SORCS1: variants seen among roughly 807,000 people sequenced by gnomAD.
The protein encoded by SORCS1 is sortilin related VPS10 domain containing receptor 1.
A neutral mutation model predicts 146.1 loss-of-function variants in SORCS1; 60 were observed. That is an observed-to-expected ratio of 0.41 (90% CI 0.33 to 0.51). The LOEUF is 0.51. Among genes scored for constraint, SORCS1 ranks in the 20% least tolerant of loss-of-function variants. The pLI is 0.21. For synonymous variants in SORCS1, 637 were observed against 584.0 expected (o/e 1.09, Z -1.31); for missense variants, 1,352 against 1,487.6 (o/e 0.91, Z 1.50).
At chr10:106,857,363 G>C (rs906443155) in intron 2 of SORCS1, among the ~76,000 whole-genome samples, 1 of 152,188 alleles carries the variant, frequency 6.6e-6, no homozygotes, top group African/African-American at 2.4e-5. Flanking sequence ...ACAAAGCAAA[G>C]ACTCAGGCTA....
intron 1 of SORCS1, among the ~76,000 whole-genome samples, chr10:107,074,873 A>C (rs1227423143): frequency 6.6e-6 from 1 of 151,974 alleles, no homozygotes; most frequent in Non-Finnish European, 1.5e-5. Flanking sequence ...TTAAGTTCTT[A>C]TTGTTGAGTT....
intron 1 of SORCS1, among the ~76,000 whole-genome samples, chr10:107,051,373 CA>C (rs1236976501): frequency 2.0e-5 from 3 of 152,086 alleles, no homozygotes; most frequent in Admixed American, 2.0e-4. Flanking sequence ...GCCATTTTGT[CA>C]AGTCCATAGT....
At chr10:106,894,237 A>ATGTG (rs142672801) in intron 2 of SORCS1, among the ~76,000 whole-genome samples, 19 of 140,936 alleles carry the variant, frequency 1.3e-4, no homozygotes, top group South Asian at 4.8e-4. Flanking sequence ...GCATGTGTGC[A>ATGTG]TGTGTGTGTG....
At chr10:106,894,261 G>A (rs898233497) in intron 2 of SORCS1, among the ~76,000 whole-genome samples, 14 of 138,390 alleles carry the variant, frequency 1.0e-4, no homozygotes, top group East Asian at 2.2e-4. Context: ...GTGCGCGCGC[G>A]CACGTGTGCG....
chr10:106,727,431 A>G (rs953909660), intron 6 of SORCS1, among the ~76,000 whole-genome samples: 2 of 152,164 alleles, frequency 1.3e-5, no homozygotes, highest in African/African-American at 4.8e-5. Context: ...ACAGTGCACT[A>G]CAGTCTTGAA....
rs561035938 is a variant in SORCS1, at chr10:106,812,282, G to C, written c.726+17292C>G. Among the ~76,000 whole-genome samples the C allele has an allele frequency of 2.0e-5, 3 of 152,274 alleles. No homozygotes were observed. The South Asian group carries it at 6.2e-4, about 32-fold the overall frequency. On this transcript the variant is annotated intron_variant, in intron 3 of 25. Transcript: ENST00000263054. ...CCCAAAGTGCTGGGATTACAGGTGT[G>C]AGCCACTGCACCCAGCCTGGAGTTT...
chr10:106,709,837 T>C (rs1854843177), intron 6 of SORCS1, among the ~76,000 whole-genome samples: 1 of 152,202 alleles, frequency 6.6e-6, no homozygotes, highest in Non-Finnish European at 1.5e-5. Context: ...ATCATTATTA[T>C]TTTACTCACT....
At chr10:106,816,712 CATACATTTTCT>C (rs1368985286) in intron 3 of SORCS1, among the ~76,000 whole-genome samples, 33 of 151,952 alleles carry the variant, frequency 2.2e-4, no homozygotes, top group Admixed American at 2.2e-3. Flanking sequence ...TTAAAGAAAG[CATACATTTTCT>C]TTTGCAGGTC....
chr10:106,652,733 G>T (rs149979113), intron 17 of SORCS1, among the ~76,000 whole-genome samples, 180 bp from the exon 18 acceptor site: 2 of 152,174 alleles, frequency 1.3e-5, no homozygotes, highest in Non-Finnish European at 2.9e-5. Context: ...GATAATCATG[G>T]TCACACATTG....
intron 2 of SORCS1, among the ~76,000 whole-genome samples, chr10:106,941,847 C>T (rs1030702606): frequency 1.1e-4 from 17 of 152,218 alleles, no homozygotes; most frequent in Non-Finnish European, 2.1e-4. Context: ...AATGGTATCA[C>T]AGGGACTGCC....
intron 3 of SORCS1, among the ~76,000 whole-genome samples, chr10:106,822,849 C>T (rs1380898417): frequency 2.9e-5 from 4 of 137,982 alleles, no homozygotes; most frequent in African/African-American, 5.6e-5. Context: ...GGTATGATCT[C>T]GGCTCACCAC....
intron 8 of SORCS1, among the ~76,000 whole-genome samples, chr10:106,702,454 G>A (rs894490953): frequency 6.6e-6 from 1 of 152,200 alleles, no homozygotes; most frequent in Admixed American, 6.5e-5. Context: ...TAGGCTGGAA[G>A]AGTAAAGTGC....
Position 106,579,442 on chromosome 10 carries a change from C to G in SORCS1, c.3298G>C (p.Gly1100Arg), listed in dbSNP as rs745526739. 2 of 1,613,668 alleles carry G rather than the reference C, an allele frequency of 1.2e-6. No individual in the cohort carries two copies. The highest frequency in any genetic ancestry group is 1.7e-5 in the Admixed American group (1 of 59,956). The change falls in exon 25 of 26, where the codon GGA (glycine) becomes CGA (arginine). Residue 1100 changes from glycine to arginine, a missense_variant. This residue lies in a region of SORCS1 where 214 missense variants were observed against 204.8 expected (regional missense o/e 1.05). Coordinates refer to ENST00000263054, the MANE Select transcript of SORCS1 (RefSeq NM_052918.5). ...PLVDLTPTHS[G>R]SAMLMLLSVV... ...GAGAGCAGCATCAGCATGGCAGATC[C>G]ACTGTGGGTTGGAGTGAGGTCCACC...
At chr10:106,862,780 CAAAAAAAAAAA>C (rs58654489) in intron 2 of SORCS1, among the ~76,000 whole-genome samples, 1 of 60,246 alleles carries the variant, frequency 1.7e-5, no homozygotes, top group African/African-American at 5.6e-5. Context: ...CCTGTCTCTA[CAAAAAAAAAAA>C]AAAAAAAAAA....
chr10:106,993,879 C>T (rs1204735790), intron 1 of SORCS1, among the ~76,000 whole-genome samples: 1 of 151,800 alleles, frequency 6.6e-6, no homozygotes, highest in Non-Finnish European at 1.5e-5. Flanking sequence ...TTGAGACCGG[C>T]CTGGGCAACA....
intron 21 of SORCS1, among the ~76,000 whole-genome samples, chr10:106,613,517 G>C (rs1310296346): frequency 2.0e-5 from 3 of 152,190 alleles, no homozygotes; most frequent in African/African-American, 7.2e-5. Context: ...GGCAGGGTAA[G>C]TCCCTGGAAG....
chr10:107,166,729 C>T (rs561985588), upstream of SORCS1, among the ~76,000 whole-genome samples: 1 of 152,312 alleles, frequency 6.6e-6, no homozygotes, highest in South Asian at 2.1e-4. Flanking sequence ...TGCTAACCTC[C>T]TTTCCAGTCT....
chr10:106,677,494 C>T (rs1297914268), intron 12 of SORCS1, 90 bp from the exon 13 acceptor site: 7 of 1,140,092 alleles, frequency 6.1e-6, no homozygotes, highest in African/African-American at 4.6e-5. Context: ...GAACAAAAAT[C>T]CTTCCCATGA....
At chr10:106,905,204 A>G (rs1323460644) in intron 2 of SORCS1, among the ~76,000 whole-genome samples, 1 of 152,174 alleles carries the variant, frequency 6.6e-6, no homozygotes, top group Non-Finnish European at 1.5e-5. Context: ...AATAAATCCA[A>G]GAGTTGTTTC....
Sources: gnomAD v4.1 joint callset for allele counts (sites outside exome capture counted in the v4.1 genomes callset) on GRCh38, gnomAD v4.1.1 for gene constraint, gnomAD v4.1.1 regional missense constraint, MANE v1.5 for transcripts, NCBI Gene and HGNC (gene_info 2026-07-23, HGNC 2026-07-21) for gene names.